The following RIN2 variants were observed in gnomAD, a reference collection of about 807,000 sequenced individuals.
RIN2 encodes the protein Ras and Rab interactor 2, also known as RAB5 interacting protein 2.
RIN2 carries 36 observed loss-of-function variants against 78.0 expected under a neutral mutation model. That is an observed-to-expected ratio of 0.46 (90% CI 0.35 to 0.61). The LOEUF (loss-of-function observed/expected upper bound fraction) is 0.61, where lower values mean the gene tolerates loss of function less well. RIN2 is among the 20% of genes least tolerant of loss of function. The pLI, the probability that RIN2 is intolerant of heterozygous loss-of-function variation, is 0.00. For missense variants in RIN2, 1,087 were observed against 1,159.7 expected (o/e 0.94, Z 0.91); for synonymous variants, 466 against 466.8 (o/e 1.00, Z 0.02).
At chr20:19,813,772 T>G (rs2035677496) in intron 2 of RIN2, among the ~76,000 whole-genome samples, 1 of 152,374 alleles carries the variant, frequency 6.6e-6, no homozygotes, top group East Asian at 1.9e-4. Context: ...TGGGTTTGAA[T>G]GTCCCACATG....
chr20:19,875,501 T>C (rs2037828931), intron 2 of RIN2, among the ~76,000 whole-genome samples: 2 of 152,134 alleles, frequency 1.3e-5, no homozygotes. Flanking sequence ...GTTAACTGGA[T>C]GTGGTATTGC....
At chr20:19,858,165 G>A (rs1484603088) in intron 2 of RIN2, among the ~76,000 whole-genome samples, 1 of 151,796 alleles carries the variant, frequency 6.6e-6, no homozygotes, top group Non-Finnish European at 1.5e-5. Flanking sequence ...TTTATGTCCT[G>A]TTTAAGACAT....
At chr20:19,871,100 A>C (rs1026117084) in intron 2 of RIN2, among the ~76,000 whole-genome samples, 2 of 152,218 alleles carry the variant, frequency 1.3e-5, no homozygotes, top group African/African-American at 2.4e-5. Flanking sequence ...GCTGATTACC[A>C]TGGAGAAGCA....
chr20:19,860,057 C>T (rs2037286200), intron 2 of RIN2, among the ~76,000 whole-genome samples: 1 of 152,188 alleles, frequency 6.6e-6, no homozygotes, highest in African/African-American at 2.4e-5. Flanking sequence ...AGTCACTCAT[C>T]CCAAGGTGCA....
At chr20:19,956,273 AAAAAG>A (rs1390744714) in intron 4 of RIN2, among the ~76,000 whole-genome samples, 2 of 151,264 alleles carry the variant, frequency 1.3e-5, no homozygotes, top group African/African-American at 2.4e-5. Flanking sequence ...AAAAAAAAAA[AAAAAG>A]AAAAGAAAAA....
At chr20:19,759,920 C>T (rs896893071) in intron 1 of RIN2, among the ~76,000 whole-genome samples, 2 of 152,206 alleles carry the variant, frequency 1.3e-5, no homozygotes, top group African/African-American at 2.4e-5. Context: ...GTCTCCCTCC[C>T]CCACCTCCCC....
chr20:19,935,523 A>T, intron 4 of RIN2: 1 of 1,079,826 alleles, frequency 9.3e-7, no homozygotes, highest in Non-Finnish European at 1.1e-6. Flanking sequence ...AGCGTGTGCA[A>T]AGTAGAATTC....
intron 2 of RIN2, among the ~76,000 whole-genome samples, chr20:19,810,271 G>T (rs1217566885): frequency 1.3e-5 from 2 of 151,804 alleles, no homozygotes; most frequent in Non-Finnish European, 2.9e-5. Flanking sequence ...AGCCAGGTGT[G>T]GTGGTGCATG....
intron 2 of RIN2, among the ~76,000 whole-genome samples, chr20:19,859,082 A>T (rs2037252698): frequency 6.6e-6 from 1 of 152,218 alleles, no homozygotes; most frequent in Non-Finnish European, 1.5e-5. Context: ...CAGGGAGAAA[A>T]TACTTCCATG....
intron 9 of RIN2, among the ~76,000 whole-genome samples, chr20:19,977,193 A>AC (rs2042304496): frequency 6.6e-6 from 1 of 151,958 alleles, no homozygotes; most frequent in South Asian, 2.1e-4. Flanking sequence ...CTGGGGTCAG[A>AC]GGGGGGTGCA....
chr20:19,956,799 C>G lies in RIN2; in HGVS notation c.343C>G (p.Pro115Ala). The change falls in exon 5 of 13, where the codon CCT becomes GCT. Residue 115 changes from proline to alanine, a missense_variant. By Grantham distance (27) the Pro-to-Ala change is conservative (BLOSUM62 -1). Coordinates refer to ENST00000255006, the MANE Select transcript of RIN2 (RefSeq NM_018993.4). The part of the protein sequence containing the change: ...EEAAEVLQAQ[P>A]PGIFLVHKST... ...GGCAGCAGAGGTCCTGCAGGCCCAG[C>G]CTCCGGGGGTAAGACTCAGAACCTC... 1 of 1,578,876 alleles carries G rather than the reference C, an allele frequency of 6.3e-7. No homozygotes were observed. Among genetic ancestry groups the G allele is most frequent in the Non-Finnish European group, 8.6e-7 (1 of 1,159,948 alleles).
At chr20:19,910,218 C>G (rs2039402266) in intron 3 of RIN2, among the ~76,000 whole-genome samples, 1 of 152,108 alleles carries the variant, frequency 6.6e-6, no homozygotes, top group South Asian at 2.1e-4. Context: ...ACTCTGTCAC[C>G]CAGACTGGAG....
intron 2 of RIN2, among the ~76,000 whole-genome samples, chr20:19,817,633 A>G (rs2035803556): frequency 6.6e-6 from 1 of 152,304 alleles, no homozygotes; most frequent in East Asian, 1.9e-4. Context: ...ATATTTATGG[A>G]TCTATTTGAC....
chr20:19,875,151 G>A (rs531199973), intron 2 of RIN2, among the ~76,000 whole-genome samples: 18 of 150,998 alleles, frequency 1.2e-4, no homozygotes, highest in African/African-American at 3.2e-4. Context: ...ATGAGCCACC[G>A]CACCCAGCAG....
At chr20:19,845,561 C>A (rs181116324) in intron 2 of RIN2, among the ~76,000 whole-genome samples, 28 of 137,168 alleles carry the variant, frequency 2.0e-4, no homozygotes, top group African/African-American at 7.4e-4. Flanking sequence ...TCATACCCTT[C>A]ACCTACTTTT....
chr20:19,884,701 G>A (rs893547036), intron 2 of RIN2, among the ~76,000 whole-genome samples: 2 of 152,140 alleles, frequency 1.3e-5, no homozygotes, highest in Non-Finnish European at 2.9e-5. Flanking sequence ...TCTGTCCAAC[G>A]TGTAAAATAT....
chr20:19,836,266 A>G lies in RIN2; in HGVS notation c.-37+36519A>G, dbSNP rs115214994. The stretch of plus-strand genomic sequence containing the variant: ...ATAACACTGAACATAAGAGATCCCC[A>G]TTTCTTCCAGGTAAATTCTTGTTTC... On this transcript the variant is annotated intron_variant, in intron 2 of 12. Transcript: ENST00000255006. Among the ~76,000 whole-genome samples, 210 of 152,306 alleles carry G rather than the reference A, an allele frequency of 1.4e-3. 1 individual carries two copies. The highest frequency in any genetic ancestry group is 4.8e-3 in the African/African-American group (201 of 41,572).
chr20:19,758,595 G>GA (rs1354095703), intron 1 of RIN2, among the ~76,000 whole-genome samples: 1 of 152,186 alleles, frequency 6.6e-6, no homozygotes, highest in Non-Finnish European at 1.5e-5. Flanking sequence ...GTCCCGGCAG[G>GA]GTCACCGGGT....
At chr20:19,879,118 C>A (rs1414350515) in intron 2 of RIN2, among the ~76,000 whole-genome samples, 1 of 152,174 alleles carries the variant, frequency 6.6e-6, no homozygotes, top group Non-Finnish European at 1.5e-5. Flanking sequence ...TGTGAAATAT[C>A]CTATGTCCTT....
Sources: gnomAD v4.1 joint callset for allele counts (sites outside exome capture counted in the v4.1 genomes callset) on GRCh38, gnomAD v4.1.1 for gene constraint, MANE v1.5 for transcripts, NCBI Gene and HGNC (gene_info 2026-07-23, HGNC 2026-07-21) for gene names.